The following BNC2 variants were observed in gnomAD, a reference collection of about 807,000 sequenced individuals.
BNC2 encodes the protein zinc finger protein basonuclin-2.
A neutral mutation model predicts 76.3 loss-of-function variants in BNC2; 20 were observed. The observed-to-expected ratio is 0.26, with a 90% CI of 0.18 to 0.38. The LOEUF (loss-of-function observed/expected upper bound fraction) is 0.38, where lower values mean the gene tolerates loss of function less well. Among genes scored for constraint, BNC2 ranks in the 10% least tolerant of loss-of-function variants. The pLI is 1.00. For synonymous variants in BNC2, 582 were observed against 514.8 expected, an observed-to-expected ratio of 1.13 and a Z score of -1.77; for missense variants, 1,382 against 1,399.8, an observed-to-expected ratio of 0.99 and a Z score of 0.20.
intron 1 of BNC2, among the ~76,000 whole-genome samples, chr9:16,770,591 A>C (rs1322159339): frequency 1.3e-5 from 2 of 152,176 alleles, no homozygotes; most frequent in Non-Finnish European, 1.5e-5. Flanking sequence ...TCACCTGAGA[A>C]GTTCTACATC....
intron 3 of BNC2, among the ~76,000 whole-genome samples, chr9:16,660,221 G>A (rs545825534): frequency 2.8e-4 from 42 of 152,292 alleles, no homozygotes; most frequent in South Asian, 6.2e-4. Context: ...TCGGGAGGCC[G>A]AGTCGGGCGG....
At chr9:16,652,117 T>C (rs1821810620) in intron 3 of BNC2, among the ~76,000 whole-genome samples, 1 of 152,196 alleles carries the variant, frequency 6.6e-6, no homozygotes, top group Non-Finnish European at 1.5e-5. Flanking sequence ...CTTGTTCAGC[T>C]GTTTCTAACC....
At chr9:16,809,797 C>A (rs529348694) in intron 1 of BNC2, among the ~76,000 whole-genome samples, 1 of 151,866 alleles carries the variant, frequency 6.6e-6, no homozygotes, top group African/African-American at 2.4e-5. Flanking sequence ...AAAAAGAAAA[C>A]AGTGTGCCCA....
chr9:16,866,893 C>T (rs897192602), intron 1 of BNC2, among the ~76,000 whole-genome samples: 5 of 152,056 alleles, frequency 3.3e-5, no homozygotes, highest in African/African-American at 1.2e-4. Flanking sequence ...AGGCTACCTC[C>T]CCTTCCACAA....
intron 5 of BNC2, among the ~76,000 whole-genome samples, chr9:16,536,921 T>G (rs560913233): frequency 6.6e-6 from 1 of 152,166 alleles, no homozygotes; most frequent in Non-Finnish European, 1.5e-5. Context: ...TTCGGCTATA[T>G]AGAGGCAATT....
intron 3 of BNC2, among the ~76,000 whole-genome samples, chr9:16,652,859 C>A (rs929152960): frequency 2.6e-5 from 4 of 152,066 alleles, no homozygotes; most frequent in Non-Finnish European, 1.5e-5. Context: ...AACTGAAACA[C>A]CTTCTACTTG....
At chr9:16,498,205 TCATATATATATTCC>T (rs1822439372) in intron 5 of BNC2, among the ~76,000 whole-genome samples, 1 of 131,224 alleles carries the variant, frequency 7.6e-6, no homozygotes. Flanking sequence ...ATATATTCCA[TCATATATATATTCC>T]ATCATATATA....
intron 3 of BNC2, among the ~76,000 whole-genome samples, chr9:16,660,069 AG>A (rs1435869006): frequency 6.6e-6 from 1 of 152,240 alleles, no homozygotes; most frequent in Admixed American, 6.5e-5. Flanking sequence ...TACTCACACT[AG>A]GGACCCCATA....
chr9:16,839,681 G>A (rs768593159), intron 1 of BNC2, among the ~76,000 whole-genome samples: 3 of 152,178 alleles, frequency 2.0e-5, no homozygotes, highest in Non-Finnish European at 2.9e-5. Context: ...TCTATAGCAC[G>A]TAATTCTCTC....
At chr9:16,684,419 C>G (rs1381661051) in intron 3 of BNC2, among the ~76,000 whole-genome samples, 4 of 152,106 alleles carry the variant, frequency 2.6e-5, no homozygotes, top group Non-Finnish European at 5.9e-5. Flanking sequence ...TGGGGCACAG[C>G]AGAGCTCAGG....
chr9:16,843,805 T>C lies in BNC2; in HGVS notation c.3+26841A>G, dbSNP rs140832640. Reference sequence around the variant, plus strand: ...CATCAAACAGTTACTCCCAATTGAATAGTATTTGAAAACAAGCAGAATTCA... The same window carrying C: ...CATCAAACAGTTACTCCCAATTGAACAGTATTTGAAAACAAGCAGAATTCA... On this transcript the variant is annotated intron_variant, in intron 1 of 6. Coordinates refer to ENST00000380672, the MANE Select transcript of BNC2 (RefSeq NM_017637.6). Among the ~76,000 whole-genome samples, 22 of 152,340 alleles carry C rather than the reference T, an allele frequency of 1.4e-4. 1 individual carries two copies. The East Asian group carries it at 3.1e-3, about 21-fold the overall frequency.
At chr9:16,677,360 A>T (rs911766878) in intron 3 of BNC2, among the ~76,000 whole-genome samples, 2 of 152,110 alleles carry the variant, frequency 1.3e-5, no homozygotes, top group Non-Finnish European at 1.5e-5. Context: ...ATTACTTGAG[A>T]TCAAGAGTTC....
chr9:16,807,292 A>C (rs1164027189), intron 1 of BNC2, among the ~76,000 whole-genome samples: 1 of 152,212 alleles, frequency 6.6e-6, no homozygotes, highest in African/African-American at 2.4e-5. Context: ...AGTTATTTTT[A>C]AGTATCAGAA....
chr9:16,434,233 AT>A (rs1357202934), intron 6 of BNC2, among the ~76,000 whole-genome samples: 2 of 152,322 alleles, frequency 1.3e-5, no homozygotes, highest in African/African-American at 4.8e-5. Context: ...AAGGAAAAAA[AT>A]ATTCTTCAAA....
chr9:16,617,511 T>C (rs1397479931), intron 3 of BNC2, among the ~76,000 whole-genome samples: 1 of 143,012 alleles, frequency 7.0e-6, no homozygotes, highest in Non-Finnish European at 1.5e-5. Context: ...CCTCCAAATT[T>C]TACGTACAGA....
intron 1 of BNC2, among the ~76,000 whole-genome samples, chr9:16,797,089 G>A (rs1375609974): frequency 1.3e-5 from 2 of 152,044 alleles, no homozygotes; most frequent in Non-Finnish European, 2.9e-5. Context: ...TGACAATAAT[G>A]GCAGCTTTCA....
At chr9:16,714,699 G>C (rs1406372396) in intron 3 of BNC2, among the ~76,000 whole-genome samples, 1 of 152,152 alleles carries the variant, frequency 6.6e-6, no homozygotes, top group Non-Finnish European at 1.5e-5. Context: ...CCTAGAAAGA[G>C]CCTAGATATA....
At chr9:16,729,696 G>A (rs1014970767) in intron 2 of BNC2, among the ~76,000 whole-genome samples, 1 of 152,112 alleles carries the variant, frequency 6.6e-6, no homozygotes, top group Non-Finnish European at 1.5e-5. Flanking sequence ...TGCTGGGGGG[G>A]AGGGCAGGAA....
At chr9:16,425,288 G>A (rs536047851) in intron 6 of BNC2, among the ~76,000 whole-genome samples, 3 of 152,194 alleles carry the variant, frequency 2.0e-5, no homozygotes, top group South Asian at 2.1e-4. Context: ...GCACAGATAC[G>A]GCACGTCTGT....
Sources: allele counts gnomAD v4.1 joint callset (sites outside exome capture counted in the v4.1 genomes callset), GRCh38; gene constraint gnomAD v4.1.1; transcripts MANE v1.5; gene names NCBI Gene and HGNC (gene_info 2026-07-23, HGNC 2026-07-21).